The following DACH2 variants were observed in gnomAD, a reference collection of about 807,000 sequenced individuals.
DACH2 encodes dachshund family transcription factor 2.
In DACH2, 17 loss-of-function variants were observed where a neutral mutation model predicts 35.8. The observed-to-expected ratio is 0.48, with a 90% CI of 0.33 to 0.71. DACH2 has a LOEUF of 0.71. Ranked by LOEUF, DACH2 falls within the 30% of genes least tolerant of loss-of-function variation. DACH2 has a pLI of 0.02. For missense variants in DACH2, 469 were observed against 472.7 expected, an observed-to-expected ratio of 0.99 and a Z score of 0.07; for synonymous variants, 195 against 177.3, an observed-to-expected ratio of 1.10 and a Z score of -0.79.
chrX:86,283,987 A>AAG lies in DACH2; in HGVS notation c.489-92837_489-92836insAG, dbSNP rs2034093128. On this transcript the variant is annotated intron_variant, in intron 1 of 11. Coordinates refer to ENST00000373125, the MANE Select transcript of DACH2 (RefSeq NM_053281.3). ...AACTTTACTGAATTTATCAGTTTTA[A>AAG]TTTTTTTTTGGTGTATTCTTTAGGT... 3.7e-5 allele frequency among the ~76,000 whole-genome samples: 4 copies of AAG among 108,607 alleles called. No homozygotes were observed. The South Asian group carries it at 1.6e-3, about 43-fold the overall frequency. 94.3% of individuals were successfully genotyped at this position (108,607 alleles called of 115,157 possible). A position where few individuals can be genotyped will look rare whatever the true frequency, so the allele number is the denominator to read the frequency against.
intron 3 of DACH2, among the ~76,000 whole-genome samples, chrX:86,645,332 A>T (rs1276570183): frequency 9.0e-6 from 1 of 111,539 alleles, no homozygotes; most frequent in Non-Finnish European, 1.9e-5. Flanking sequence ...ATCACTGATC[A>T]TTATAAAAAT....
intron 1 of DACH2, among the ~76,000 whole-genome samples, chrX:86,163,005 G>A (rs2030817138): frequency 9.0e-6 from 1 of 110,730 alleles, no homozygotes; most frequent in Admixed American, 9.6e-5. Context: ...CATGGAGAGT[G>A]GGGTATCCCT....
intron 1 of DACH2, among the ~76,000 whole-genome samples, chrX:86,313,991 T>C (rs1376811979): frequency 9.0e-6 from 1 of 111,639 alleles, no homozygotes; most frequent in Non-Finnish European, 1.9e-5. Flanking sequence ...TGATGTCCTC[T>C]GTAATTGATT....
chrX:86,695,040 G>T lies in DACH2; in HGVS notation c.792G>T (p.Trp264Cys). 2 of 1,097,430 alleles carry T rather than the reference G, an allele frequency of 1.8e-6. No individual in the cohort carries two copies. Among genetic ancestry groups the T allele is most frequent in the South Asian group, 2.5e-5 (1 of 39,337 alleles). The allele number at this position is 1,097,430 out of a possible 1,213,427, so 90.4% of individuals were successfully genotyped here. Residue 264 changes from tryptophan to cysteine, a missense_variant, in exon 5 of 12, where the codon TGG becomes TGT. Trp to Cys is a radical substitution (Grantham distance 215). Transcript: ENST00000373125. ...NSNTGGSESS[W>C]DKDKMQSPFA... ...TTTCAGGTGGAAGTGAATCCTCCTG[G>T]GATAAAGATAAGATGCAGTCTCCAT...
At position 86,379,280 on chromosome X, in the gene DACH2, G is replaced by A. The variant is rs2036012065; in HGVS notation, c.527+2418G>A. Reference sequence around the variant, plus strand: ...TTCATTTGAACTTTTGATAGGCATTGGCAAAGATAAAACAAAGTTGGTCAT... The same window carrying A: ...TTCATTTGAACTTTTGATAGGCATTAGCAAAGATAAAACAAAGTTGGTCAT... On this transcript the variant is annotated intron_variant, in intron 2 of 11. Coordinates refer to ENST00000373125, the MANE Select transcript of DACH2 (RefSeq NM_053281.3). Among the ~76,000 whole-genome samples, 3 of 111,009 alleles carry A rather than the reference G, an allele frequency of 2.7e-5. No homozygotes were observed. The South Asian group carries it at 1.1e-3, about 41-fold the overall frequency.
intron 1 of DACH2, among the ~76,000 whole-genome samples, chrX:86,181,339 T>C (rs1018076519): frequency 1.8e-5 from 2 of 110,626 alleles, no homozygotes; most frequent in Non-Finnish European, 3.8e-5. Context: ...TCCCCTAGCC[T>C]CCCAACCCCC....
Position 86,163,066 on chromosome X carries a change from G to A in DACH2, c.488+13958G>A, listed in dbSNP as rs190908208. On this transcript the variant is annotated intron_variant, in intron 1 of 11. Coordinates refer to ENST00000373125, the MANE Select transcript of DACH2 (RefSeq NM_053281.3). ...TATAAACAATTTAATTACACTCTAA[G>A]TTATTTTAAAAAGTACAGTTAAGTT... Among the ~76,000 whole-genome samples, 329 of 110,773 alleles carry A rather than the reference G, an allele frequency of 3.0e-3. 1 individual carries two copies. The highest frequency in any genetic ancestry group is 5.2e-3 in the Non-Finnish European group (274 of 52,740).
At chrX:86,742,020 G>A (rs776371369) in intron 7 of DACH2, among the ~76,000 whole-genome samples, 5 of 110,639 alleles carry the variant, frequency 4.5e-5, no homozygotes, top group Non-Finnish European at 9.5e-5. Flanking sequence ...TATCATAAAA[G>A]AATGGACAAC....
At chrX:86,251,948 A>G (rs773146782) in intron 1 of DACH2, among the ~76,000 whole-genome samples, 7 of 111,785 alleles carry the variant, frequency 6.3e-5, no homozygotes, top group Non-Finnish European at 1.1e-4. Flanking sequence ...ACTAGTTTAC[A>G]TTCCCATCAG....
At chrX:86,460,410 C>A (rs1203633142) in intron 2 of DACH2, among the ~76,000 whole-genome samples, 1 of 110,517 alleles carries the variant, frequency 9.0e-6, no homozygotes, top group African/African-American at 3.3e-5. Context: ...GAATTAAATT[C>A]TATTGTAATA....
At chrX:86,530,030 C>T (rs1349751609) in intron 3 of DACH2, among the ~76,000 whole-genome samples, 1 of 106,592 alleles carries the variant, frequency 9.4e-6, no homozygotes, top group African/African-American at 3.4e-5. Context: ...ATCCATTCAT[C>T]TATTGAGATT....
chrX:86,227,215 A>T (rs149110451), intron 1 of DACH2, among the ~76,000 whole-genome samples: 3,521 of 110,412 alleles, frequency 0.032, 68 homozygotes, highest in Middle Eastern at 0.056. Context: ...TGTGTAAATT[A>T]TCTTTCATGT....
At chrX:86,669,573 T>C (rs1400831888) in intron 4 of DACH2, among the ~76,000 whole-genome samples, 1 of 111,537 alleles carries the variant, frequency 9.0e-6, no homozygotes, top group African/African-American at 3.3e-5. Flanking sequence ...TAGAAGAAAC[T>C]AAGGCCCAAA....
At chrX:86,570,961 C>G (rs1486872968) in intron 3 of DACH2, among the ~76,000 whole-genome samples, 1 of 110,952 alleles carries the variant, frequency 9.0e-6, no homozygotes, top group Non-Finnish European at 1.9e-5. Context: ...TACATTATAT[C>G]AAATTTTTAT....
At chrX:86,579,884 C>A (rs1452023741) in intron 3 of DACH2, among the ~76,000 whole-genome samples, 5 of 112,365 alleles carry the variant, frequency 4.4e-5, no homozygotes, top group Admixed American at 9.5e-5. Context: ...ATGCGTGCAG[C>A]CTGCCGTGCT....
chrX:86,185,465 G>T (rs1452459637), intron 1 of DACH2, among the ~76,000 whole-genome samples: 1 of 111,423 alleles, frequency 9.0e-6, no homozygotes, highest in Non-Finnish European at 1.9e-5. Context: ...TAGGTAATTA[G>T]TTTAAGAGGT....
At chrX:86,306,070 A>G (rs918945684) in intron 1 of DACH2, among the ~76,000 whole-genome samples, 4 of 112,290 alleles carry the variant, frequency 3.6e-5, no homozygotes, top group African/African-American at 1.3e-4. Context: ...AGAACTACAT[A>G]TAATTTAACA....
At chrX:86,819,529 C>A (rs2042487894) in intron 11 of DACH2, among the ~76,000 whole-genome samples, 1 of 112,070 alleles carries the variant, frequency 8.9e-6, no homozygotes, top group Non-Finnish European at 1.9e-5. Flanking sequence ...TACAAGTGTG[C>A]TGATAAAAAC....
At chrX:86,177,680 A>G (rs1024701718) in intron 1 of DACH2, among the ~76,000 whole-genome samples, 2 of 111,335 alleles carry the variant, frequency 1.8e-5, no homozygotes, top group African/African-American at 6.5e-5. Context: ...ATTAGATCCT[A>G]TCACTGATTC....
Sources: gnomAD v4.1 joint callset for allele counts (sites outside exome capture counted in the v4.1 genomes callset) on GRCh38, gnomAD v4.1.1 for gene constraint, MANE v1.5 for transcripts, NCBI Gene and HGNC (gene_info 2026-07-23, HGNC 2026-07-21) for gene names.